Variants in SEMA5A observed in about 807,000 individuals in gnomAD.
SEMA5A encodes the protein semaphorin-5A.
Under a neutral mutation model 135.5 loss-of-function variants are expected in SEMA5A, and 55 were observed. The observed-to-expected ratio is 0.41, with a 90% CI of 0.33 to 0.51. The LOEUF is 0.51. Among genes scored for constraint, SEMA5A ranks in the 20% least tolerant of loss-of-function variants. SEMA5A has a pLI of 0.37. For synonymous variants in SEMA5A, 580 were observed against 546.5 expected (o/e 1.06, Z -0.85); for missense variants, 1,290 against 1,419.9 (o/e 0.91, Z 1.47).
chr5:9,194,677 T>C (rs1302647988), intron 10 of SEMA5A, among the ~76,000 whole-genome samples: 6 of 152,244 alleles, frequency 3.9e-5, no homozygotes, highest in Non-Finnish European at 1.5e-5. Context: ...CCATAATCTG[T>C]AACTTGAGCT....
At chr5:9,365,249 T>C (rs1043155903) in intron 3 of SEMA5A, among the ~76,000 whole-genome samples, 1 of 152,184 alleles carries the variant, frequency 6.6e-6, no homozygotes. Context: ...GCAAGGCTAG[T>C]AAGTACCTCA....
intron 2 of SEMA5A, among the ~76,000 whole-genome samples, chr5:9,407,867 C>CCATCACCATCACCAT (rs1338107586): frequency 1.1e-4 from 17 of 152,186 alleles, no homozygotes; most frequent in African/African-American, 4.1e-4. Flanking sequence ...TGCCTTACCA[C>CCATCACCATCACCAT]CATCACCATC....
At chr5:9,176,792 G>T (rs992734505) in intron 11 of SEMA5A, among the ~76,000 whole-genome samples, 3 of 152,212 alleles carry the variant, frequency 2.0e-5, no homozygotes, top group African/African-American at 7.2e-5. Context: ...AGCCTCAGAA[G>T]TGGCCTAGCC....
chr5:9,313,520 T>A (rs1254372612), intron 5 of SEMA5A, among the ~76,000 whole-genome samples: 1 of 152,204 alleles, frequency 6.6e-6, no homozygotes, highest in Admixed American at 6.6e-5. Context: ...CAGAAACTTG[T>A]AAGCCATCTG....
chr5:9,473,273 T>A (rs1346051987), intron 1 of SEMA5A, among the ~76,000 whole-genome samples: 1 of 146,534 alleles, frequency 6.8e-6, no homozygotes. Context: ...GTCAAGTAAA[T>A]GATTTACAAT....
intron 2 of SEMA5A, among the ~76,000 whole-genome samples, chr5:9,434,196 G>A (rs1757952565): frequency 1.3e-5 from 2 of 151,998 alleles, no homozygotes; most frequent in African/African-American, 4.8e-5. Context: ...TTAAAACAAG[G>A]GTTTTTTCTT....
intron 16 of SEMA5A, 77 bp downstream of exon 16, chr5:9,108,063 G>T: frequency 2.0e-6 from 3 of 1,516,706 alleles, no homozygotes; most frequent in Non-Finnish European, 2.7e-6. Flanking sequence ...TCTAGTGTGT[G>T]CAGAGAATTT....
At chr5:9,188,433 G>A (rs1479374222) in intron 11 of SEMA5A, among the ~76,000 whole-genome samples, 1 of 152,160 alleles carries the variant, frequency 6.6e-6, no homozygotes, top group Non-Finnish European at 1.5e-5. Flanking sequence ...ATAAACACAA[G>A]AGAAGCAAAC....
chr5:9,196,390 C>G (rs1416482940), intron 10 of SEMA5A, among the ~76,000 whole-genome samples: 1 of 152,196 alleles, frequency 6.6e-6, no homozygotes, highest in Non-Finnish European at 1.5e-5. Context: ...AGATGTCCAC[C>G]TGCAAGCCAG....
At chr5:9,494,601 C>T (rs372156926) in intron 1 of SEMA5A, among the ~76,000 whole-genome samples, 8 of 142,100 alleles carry the variant, frequency 5.6e-5, no homozygotes, top group East Asian at 2.4e-4. Flanking sequence ...CAAATCCCCC[C>T]CTTCAATGCC....
chr5:9,405,363 A>G (rs1756835666), intron 2 of SEMA5A, among the ~76,000 whole-genome samples: 1 of 152,224 alleles, frequency 6.6e-6, no homozygotes, highest in African/African-American at 2.4e-5. Context: ...CTTTCCATTC[A>G]AAAGGCAGCA....
intron 1 of SEMA5A, among the ~76,000 whole-genome samples, chr5:9,466,144 A>T (rs1759250388): frequency 6.6e-6 from 1 of 152,176 alleles, no homozygotes; most frequent in East Asian, 1.9e-4. Context: ...CCTGGGTACC[A>T]ATGTGGAGAT....
intron 16 of SEMA5A, among the ~76,000 whole-genome samples, chr5:9,101,809 T>C (rs189065335): frequency 9.8e-4 from 149 of 152,226 alleles, no homozygotes; most frequent in African/African-American, 3.3e-3. Context: ...ACTATTCATA[T>C]AGGGTCTGCA....
chr5:9,385,653 A>C (rs1431197200), intron 2 of SEMA5A, among the ~76,000 whole-genome samples: 1 of 152,146 alleles, frequency 6.6e-6, no homozygotes, highest in Non-Finnish European at 1.5e-5. Context: ...TGTCCCATGC[A>C]TGCCACAGCA....
rs201772493 is a variant in SEMA5A, at chr5:9,500,965, G to T, written c.-175+44619C>A. Among the ~76,000 whole-genome samples, 41 of 152,128 alleles carry T rather than the reference G, an allele frequency of 2.7e-4. No homozygotes were observed. In the East Asian group the frequency reaches 7.1e-3, roughly 27 times the overall value. Reference sequence around the variant, plus strand: ...AGTTAAACTGTTAATTAAATATCAAGCTAAGTTAATATCCTAGTGGAAGAA... The same window carrying T: ...AGTTAAACTGTTAATTAAATATCAATCTAAGTTAATATCCTAGTGGAAGAA... On this transcript the variant is annotated intron_variant, in intron 1 of 22. Transcript: ENST00000382496.
At chr5:9,493,416 A>T (rs189620578) in intron 1 of SEMA5A, among the ~76,000 whole-genome samples, 20 of 151,992 alleles carry the variant, frequency 1.3e-4, no homozygotes, top group Non-Finnish European at 2.9e-4. Context: ...TATCTTTCCC[A>T]CACTTGCCTA....
At chr5:9,272,161 C>T (rs549941926) in intron 5 of SEMA5A, among the ~76,000 whole-genome samples, 38 of 152,142 alleles carry the variant, frequency 2.5e-4, no homozygotes, top group South Asian at 8.3e-4. Flanking sequence ...AGATGTGGGA[C>T]GCTGGAGCTT....
At chr5:9,414,937 G>A (rs770226692) in intron 2 of SEMA5A, among the ~76,000 whole-genome samples, 7 of 152,146 alleles carry the variant, frequency 4.6e-5, no homozygotes, top group South Asian at 2.1e-4. Flanking sequence ...TAGCATGTCC[G>A]CTATAAATAT....
chr5:9,090,531 C>T (rs149571102), intron 16 of SEMA5A, among the ~76,000 whole-genome samples: 10 of 152,316 alleles, frequency 6.6e-5, no homozygotes, highest in East Asian at 5.8e-4. Flanking sequence ...AATATGATGA[C>T]GGTTGGGGGA....
Sources: gnomAD v4.1 joint callset for allele counts (sites outside exome capture counted in the v4.1 genomes callset) on GRCh38, gnomAD v4.1.1 for gene constraint, MANE v1.5 for transcripts, NCBI Gene and HGNC (gene_info 2026-07-23, HGNC 2026-07-21) for gene names.